ATP11A: variants seen among roughly 807,000 people sequenced by gnomAD.
ATP11A encodes the protein ATPase phospholipid transporting 11A.
A neutral mutation model predicts 154.4 loss-of-function variants in ATP11A; 81 were observed. The observed-to-expected ratio is 0.52, with a 90% CI of 0.44 to 0.63. ATP11A has a LOEUF of 0.63. Ranked by LOEUF, ATP11A falls within the 30% of genes least tolerant of loss-of-function variation. ATP11A has a pLI of 0.00. For synonymous variants in ATP11A, 623 were observed against 585.9 expected (o/e 1.06, Z -0.91); for missense variants, 1,316 against 1,474.3 (o/e 0.89, Z 1.76).
chr13:112,865,105 A>G (rs1334934315), intron 25 of ATP11A, among the ~76,000 whole-genome samples: 25 of 99,406 alleles, frequency 2.5e-4, no homozygotes, highest in East Asian at 1.1e-3. Context: ...AGTGCAGCCC[A>G]TGCAGCTTCC....
chr13:112,788,209 C>A (rs533417336), intron 2 of ATP11A, among the ~76,000 whole-genome samples: 1 of 151,358 alleles, frequency 6.6e-6, no homozygotes, highest in South Asian at 2.1e-4. Context: ...CCTGTGGAGA[C>A]CTACTTAATT....
rs140523439 is a variant in ATP11A, at chr13:112,815,419, C to T, written c.442-664C>T. Among the ~76,000 whole-genome samples, 1,328 of 152,018 alleles carry T rather than the reference C, an allele frequency of 8.7e-3. 15 individuals carry two copies. The highest frequency in any genetic ancestry group is 0.031 in the African/African-American group (1,287 of 41,418). ...CCAGATCTGCTATGCCTTCCTCACC[C>T]GGCAGACACACAGTCCAGATCTGCA... On this transcript the variant is annotated intron_variant, in intron 5 of 29. Coordinates refer to ENST00000375645, the MANE Select transcript of ATP11A (RefSeq NM_015205.3).
rs2080023705 is a variant in ATP11A at position 112,859,104 on chromosome 13, A to C, written c.2668-289A>C. ...AGGAAGGATTCCTTATTCACTGTGCAGTTCGATTCTTTCCCGTTTATACTG... is the reference window on the plus strand; with the variant it reads ...AGGAAGGATTCCTTATTCACTGTGCCGTTCGATTCTTTCCCGTTTATACTG... On this transcript the variant is annotated intron_variant, in intron 22 of 29. Coordinates refer to ENST00000375645, the MANE Select transcript of ATP11A (RefSeq NM_015205.3). The surrounding 1 kb of genome is among the most constrained non-coding windows in gnomAD (Gnocchi z 4.3). The C allele has an allele frequency of 2.6e-6, 1 of 388,548 alleles. No homozygotes were observed. The highest frequency in any genetic ancestry group is 4.8e-6 in the Non-Finnish European group (1 of 207,326). 24.1% of individuals were successfully genotyped at this position (388,548 alleles called of 1,614,324 possible).
At chr13:112,846,633 C>T (rs930745397) in intron 17 of ATP11A, among the ~76,000 whole-genome samples, 1 of 152,212 alleles carries the variant, frequency 6.6e-6, no homozygotes, top group African/African-American at 2.4e-5. Context: ...CAGCTCTGGA[C>T]CAGCCACAGT....
At position 112,836,249 on chromosome 13, in the gene ATP11A, C is replaced by T; in HGVS notation, c.1703C>T (p.Thr568Ile). 6.2e-7 allele frequency: 1 copy of T among 1,600,620 alleles called. No homozygotes were observed. The highest frequency in any genetic ancestry group is 1.1e-5 in the South Asian group (1 of 89,630). ...RRMSVIVKSA[T>I]GEIYLFCKGA... ...ATGAGTGTAATTGTAAAATCTGCTA[C>T]AGGTAAAATTTCTTTTTCTTTTGAT... Residue 568 changes from threonine to isoleucine, a missense_variant and splice_region_variant, in exon 16 of 30, where the codon ACA (threonine) becomes ATA (isoleucine). This residue lies in a region of ATP11A where 876 missense variants were observed against 1,006.8 expected (regional missense o/e 0.87). Coordinates refer to ENST00000375645, the MANE Select transcript of ATP11A (RefSeq NM_015205.3).
intron 1 of ATP11A, among the ~76,000 whole-genome samples, chr13:112,701,381 G>C (rs112256712): frequency 2.2e-4 from 33 of 152,304 alleles, no homozygotes; most frequent in African/African-American, 7.0e-4. Context: ...AGATTAAAAG[G>C]TTATAGAATA....
chr13:112,861,302 A>C (rs1052392354), intron 24 of ATP11A, among the ~76,000 whole-genome samples: 2 of 152,206 alleles, frequency 1.3e-5, no homozygotes, highest in Non-Finnish European at 2.9e-5. Context: ...ATCATAAATT[A>C]AAATTTTATT....
intron 1 of ATP11A, among the ~76,000 whole-genome samples, chr13:112,750,050 C>T (rs1169265321): frequency 1.3e-5 from 1 of 77,850 alleles, no homozygotes; most frequent in African/African-American, 7.6e-5. Context: ...CATCCTCCCA[C>T]GTGGGGACAC....
intron 28 of ATP11A, 122 bp from the exon 29 acceptor site, chr13:112,878,095 C>G: frequency 3.2e-6 from 3 of 935,898 alleles, no homozygotes; most frequent in Non-Finnish European, 5.1e-6. Context: ...CTCTGACTAA[C>G]TCAGCTCTGT....
In ATP11A at chr13:112,826,816, C is replaced by T. The variant is rs147148624; in HGVS notation, c.1146C>T (p.Asp382=). ...TCGGCTCTTACTTCATCACCTGGGA[C>T]GAAGACATGTTTGACGAGGAGACTG... The part of the protein sequence containing the change: ...KFLGSYFITW[D]EDMFDEETGE... Residue 382 remains aspartate, a synonymous_variant, in exon 12 of 30, where the codon GAC becomes GAT. Transcript: ENST00000375645. 1.2e-4 allele frequency: 189 copies of T among 1,614,018 alleles called. No homozygotes were observed. The highest frequency in any genetic ancestry group is 1.4e-4 in the Non-Finnish European group (165 of 1,180,040).
At chr13:112,879,937 A>G (rs981795979) in intron 29 of ATP11A, among the ~76,000 whole-genome samples, 1 of 152,114 alleles carries the variant, frequency 6.6e-6, no homozygotes, top group Non-Finnish European at 1.5e-5. Context: ...CATGCAGTTC[A>G]CTTCTCCGTC....
chr13:112,776,380 T>C lies in ATP11A; in HGVS notation c.40-8755T>C, dbSNP rs778115321. On this transcript the variant is annotated intron_variant, in intron 1 of 29. Coordinates refer to ENST00000375645, the MANE Select transcript of ATP11A (RefSeq NM_015205.3). Reference sequence around the variant, plus strand: ...CCCTTGCCCTGTTCCTTTCCATGCTTTATTAACGGGGAAATGTGGGGAGGG... The same window carrying C: ...CCCTTGCCCTGTTCCTTTCCATGCTCTATTAACGGGGAAATGTGGGGAGGG... Among the ~76,000 whole-genome samples the C allele has an allele frequency of 3.1e-4, 47 of 152,244 alleles. 1 individual carries two copies. Among genetic ancestry groups the C allele is most frequent in the Middle Eastern group, 6.8e-3 (2 of 294 alleles).
At chr13:112,880,500 G>A (rs751838785) in intron 29 of ATP11A, 2 of 1,276,774 alleles carry the variant, frequency 1.6e-6, no homozygotes, top group African/African-American at 1.5e-5. Context: ...CACTCCTGGT[G>A]GCCCCGTGTG....
intron 25 of ATP11A, among the ~76,000 whole-genome samples, chr13:112,865,123 G>A (rs371912462): frequency 9.1e-4 from 76 of 83,412 alleles, no homozygotes; most frequent in Middle Eastern, 0.011. Flanking sequence ...TCCCAGCGGG[G>A]TCCATCACCA....
chr13:112,839,145 C>T lies in ATP11A; in HGVS notation c.1705+2894C>T, dbSNP rs559456420. 1.2e-4 allele frequency among the ~76,000 whole-genome samples: 19 copies of T among 152,304 alleles called. No individual in the cohort carries two copies. The East Asian group carries it at 3.3e-3, about 26-fold the overall frequency. ...AGGACTTCGGAAGTCACAGGCCACT[C>T]GGCTGCATCAGGCCTTCCCTTTCAA... On this transcript the variant is annotated intron_variant, in intron 16 of 29. Transcript: ENST00000375645.
intron 18 of ATP11A, among the ~76,000 whole-genome samples, chr13:112,852,782 T>TGCG (rs2079804842): frequency 1.6e-5 from 2 of 126,336 alleles, no homozygotes; most frequent in African/African-American, 6.8e-5. Context: ...AATGCCTGGT[T>TGCG]GGCGGGGGGG....
chr13:112,866,388 T>G (rs531294508), intron 25 of ATP11A, among the ~76,000 whole-genome samples: 1 of 152,158 alleles, frequency 6.6e-6, no homozygotes, highest in Non-Finnish European at 1.5e-5. Flanking sequence ...GGTTGCCATG[T>G]CAGGGTGGCC....
chr13:112,759,395 G>A (rs1027152730), intron 1 of ATP11A, among the ~76,000 whole-genome samples: 3 of 152,198 alleles, frequency 2.0e-5, no homozygotes, highest in East Asian at 1.9e-4. Flanking sequence ...CCGTCATGAC[G>A]GTGGGGGTTG....
At chr13:112,718,837 AT>A (rs200179768) in intron 1 of ATP11A, among the ~76,000 whole-genome samples, 5 of 151,144 alleles carry the variant, frequency 3.3e-5, no homozygotes, top group South Asian at 4.2e-4. Context: ...CTCCCAGCTA[AT>A]TTTTTTTTCT....
Sources: allele counts gnomAD v4.1 joint callset (sites outside exome capture counted in the v4.1 genomes callset), GRCh38; gene constraint gnomAD v4.1.1; regional missense constraint gnomAD v4.1.1; non-coding constraint Gnocchi (gnomAD v3.1); transcripts MANE v1.5; gene names NCBI Gene and HGNC (gene_info 2026-07-23, HGNC 2026-07-21).